Variants in RIGI observed in about 807,000 individuals in gnomAD.
The protein encoded by RIGI is RNA sensor RIG-I.
the RIGI span, chr9:32,526,035 G>A: frequency 1.3e-6 from 2 of 1,567,272 alleles, no homozygotes; most frequent in Non-Finnish European, 1.8e-6. Flanking sequence ...GTTTTCCGCC[G>A]AGAAGGCGCC....
At chr9:32,456,503 T>G in the RIGI span, 1 of 152,150 alleles carries the variant, frequency 6.6e-6, no homozygotes, top group African/African-American at 2.4e-5. Flanking sequence ...TAGTTACATA[T>G]ACATATGTAC....
At chr9:32,459,502 G>A in the RIGI span, 8 of 1,606,702 alleles carry the variant, frequency 5.0e-6, no homozygotes, top group Non-Finnish European at 6.8e-6. Context: ...TCATGAGTCT[G>A]TATATGCAGA....
chr9:32,521,067 C>A, the RIGI span, among the ~76,000 whole-genome samples: 1 of 140,072 alleles, frequency 7.1e-6, no homozygotes, highest in African/African-American at 2.7e-5. Flanking sequence ...ATTGCTTGAA[C>A]CCAGGAGGCA....
chr9:32,471,583 G>A, the RIGI span, among the ~76,000 whole-genome samples: 2 of 152,192 alleles, frequency 1.3e-5, no homozygotes, highest in Non-Finnish European at 2.9e-5. Context: ...GATGCTATGC[G>A]AATGTGGAAG....
At chr9:32,489,432 C>A in the RIGI span, 1 of 1,612,620 alleles carries the variant, frequency 6.2e-7, no homozygotes, top group East Asian at 2.2e-5. Flanking sequence ...ATGGGCTGTA[C>A]AAGTTTGTAT....
chr9:32,487,331 GACTGTT>G, the RIGI span: 1 of 807,890 alleles, frequency 1.2e-6, no homozygotes, highest in Non-Finnish European at 1.9e-6. Context: ...TAAAAAATGT[GACTGTT>G]ACTCAAGTTC....
At chr9:32,509,681 C>T in the RIGI span, among the ~76,000 whole-genome samples, 1,160 of 152,230 alleles carry the variant, frequency 7.6e-3, 15 homozygotes, top group African/African-American at 0.026. Flanking sequence ...TCCTCTTCTC[C>T]TCCAAAGGAT....
At chr9:32,455,744 ATAC>A in the RIGI span, 2 of 152,222 alleles carry the variant, frequency 1.3e-5, no homozygotes, top group Non-Finnish European at 2.9e-5. Context: ...CTTAGTAAGA[ATAC>A]TACTACTAGT....
At chr9:32,487,429 G>C in the RIGI span, 3 of 1,594,856 alleles carry the variant, frequency 1.9e-6, no homozygotes, top group Non-Finnish European at 2.6e-6. Context: ...AGGTAGTAGA[G>C]AGTAACAGAA....
At chr9:32,489,802 C>T in the RIGI span, among the ~76,000 whole-genome samples, 3 of 152,226 alleles carry the variant, frequency 2.0e-5, no homozygotes, top group Admixed American at 1.3e-4. Flanking sequence ...AATCCTCCCA[C>T]GATCTTTGAA....
the RIGI span, among the ~76,000 whole-genome samples, chr9:32,464,501 T>C: frequency 6.6e-6 from 1 of 152,158 alleles, no homozygotes; most frequent in Non-Finnish European, 1.5e-5. Flanking sequence ...GCCATTCTCC[T>C]GCCTCAGCCT....
chr9:32,483,109 T>C, the RIGI span, among the ~76,000 whole-genome samples: 1 of 152,072 alleles, frequency 6.6e-6, no homozygotes, highest in Non-Finnish European at 1.5e-5. Context: ...ATGAGGAGAC[T>C]ATGGCTGTGT....
At chr9:32,467,045 T>C in the RIGI span, among the ~76,000 whole-genome samples, 1 of 151,988 alleles carries the variant, frequency 6.6e-6, no homozygotes. Context: ...AAAAGAGAGA[T>C]TTTTGCCAGC....
the RIGI span, chr9:32,481,284 T>C: frequency 6.5e-7 from 1 of 1,547,350 alleles, no homozygotes; most frequent in South Asian, 1.2e-5. Context: ...GCTTCCACGG[T>C]GCCACTCCCA....
chr9:32,508,644 G>T, the RIGI span, among the ~76,000 whole-genome samples: 2 of 151,982 alleles, frequency 1.3e-5, no homozygotes, highest in African/African-American at 4.8e-5. Flanking sequence ...TGCCACCAGG[G>T]ATCTGGGTTT....
At chr9:32,462,319 T>G in the RIGI span, among the ~76,000 whole-genome samples, 1 of 152,054 alleles carries the variant, frequency 6.6e-6, no homozygotes, top group African/African-American at 2.4e-5. Flanking sequence ...TTTTAATTGG[T>G]TACGGATCAT....
the RIGI span, among the ~76,000 whole-genome samples, chr9:32,483,378 A>G: frequency 2.0e-5 from 3 of 152,190 alleles, no homozygotes; most frequent in Non-Finnish European, 4.4e-5. Flanking sequence ...GAACCTGGGT[A>G]GGTGTAAAAA....
chr9:32,521,151 A>AAAAAAAAAAAAAAAC, the RIGI span, among the ~76,000 whole-genome samples: 1 of 150,354 alleles, frequency 6.7e-6, no homozygotes, highest in Non-Finnish European at 1.5e-5. Flanking sequence ...AAAAAAAAAA[A>AAAAAAAAAAAAAAAC]AAAAAAAAAA....
chr9:32,457,483 T>TAAA, the RIGI span: 22 of 815,498 alleles, frequency 2.7e-5, no homozygotes, highest in Admixed American at 9.3e-5. Flanking sequence ...AATTGTGATT[T>TAAA]AAAAAAAAAA....
Sources: allele counts gnomAD v4.1 joint callset (sites outside exome capture counted in the v4.1 genomes callset), GRCh38; gene constraint gnomAD v4.1.1; transcripts MANE v1.5; gene names NCBI Gene and HGNC (gene_info 2026-07-23, HGNC 2026-07-21).